KIF2C: variants seen among roughly 807,000 people sequenced by gnomAD.
The protein encoded by KIF2C is kinesin family member 2C.
In KIF2C, 34 loss-of-function variants were observed where a neutral mutation model predicts 97.4. The observed-to-expected ratio is 0.35, with a 90% confidence interval of 0.27 to 0.46. The LOEUF is 0.46. Among genes scored for constraint, KIF2C ranks in the 20% least tolerant of loss-of-function variants. KIF2C has a pLI of 1.00. For synonymous variants in KIF2C, 313 were observed against 318.2 expected (o/e 0.98, Z 0.17); for missense variants, 750 against 907.6 (o/e 0.83, Z 2.23).
Position 44,754,787 on chromosome 1 carries a change from G to T in KIF2C, c.701G>T (p.Arg234Leu). ...DSSFPNWEFA[R>L]MIKEFRATLE... ...AGTTTTCCAAACTGGGAATTTGCCC[G>T]AATGATTAAAGAATTTCGGGCTACT... The change falls in exon 8 of 21, where the codon CGA becomes CTA. Residue 234 changes from arginine to leucine, a missense_variant. Transcript: ENST00000372224. The T allele has an allele frequency of 1.2e-6, 2 of 1,613,506 alleles. No individual in the cohort carries two copies. The highest frequency in any genetic ancestry group is 2.2e-5 in the East Asian group (1 of 44,878).
Position 44,757,908 on chromosome 1 carries a change from A to G in KIF2C, c.1069A>G (p.Thr357Ala), listed in dbSNP as rs768885932. The change falls in exon 12 of 21, where the codon ACT becomes GCT. Residue 357 changes from threonine (T) to alanine (A), a missense_variant and splice_region_variant. By Grantham distance (58) the Thr-to-Ala change is moderately conservative. Coordinates refer to ENST00000372224, the MANE Select transcript of KIF2C (RefSeq NM_006845.4). The part of the protein sequence containing the change: ...YGQTGSGKTH[T>A]MGGDLSGKAQ... ...GGTCTTCTACCCCTTCCCTTTGCAGACTATGGGCGGAGACCTCTCTGGGAA... is the reference window on the plus strand; with the variant it reads ...GGTCTTCTACCCCTTCCCTTTGCAGGCTATGGGCGGAGACCTCTCTGGGAA... 6 of 1,614,008 alleles carry G rather than the reference A, an allele frequency of 3.7e-6. No homozygotes were observed. Among genetic ancestry groups the G allele is most frequent in the Non-Finnish European group, 4.2e-6 (5 of 1,180,024 alleles).
intron 2 of KIF2C, among the ~76,000 whole-genome samples, chr1:44,741,347 A>T (rs1251070250): frequency 6.8e-6 from 1 of 146,912 alleles, no homozygotes; most frequent in East Asian, 2.0e-4. Flanking sequence ...GTGCCGCTGC[A>T]CTCCAGCCTG....
At position 44,753,821 on chromosome 1, in the gene KIF2C, G is replaced by A; in HGVS notation, c.651G>A (p.Met217Ile). 6.2e-7 allele frequency: 1 copy of A among 1,606,796 alleles called. No individual in the cohort carries two copies. The highest frequency in any genetic ancestry group is 1.1e-5 in the South Asian group (1 of 89,674). The change falls in exon 7 of 21, where the codon ATG becomes ATA. Residue 217 changes from methionine to isoleucine, a missense_variant. Met to Ile is a conservative substitution (Grantham distance 10, BLOSUM62 1). Transcript: ENST00000372224. ...AGGCCCAGAACTCTGAAATGAGAAT[G>A]AAGAGAGCTCAGGTACCTTTCTTGG... Reference protein sequence around the residue: ...EKKAQNSEMRMKRAQEYDSSF... With the variant: ...EKKAQNSEMRIKRAQEYDSSF...
chr1:44,761,609 A>G (rs1455986806), intron 16 of KIF2C, among the ~76,000 whole-genome samples: 3 of 148,406 alleles, frequency 2.0e-5, no homozygotes, highest in Non-Finnish European at 4.5e-5. Flanking sequence ...CTCCGTCTCA[A>G]AAAAAAAAAA....
rs928438986 is a variant in KIF2C at position 44,739,903 on chromosome 1, G to A, written c.-30G>A. 3 of 1,597,484 alleles carry A rather than the reference G, an allele frequency of 1.9e-6. No individual in the cohort carries two copies. On this transcript the variant is annotated 5_prime_UTR_variant, in exon 1 of 21. Coordinates refer to ENST00000372224, the MANE Select transcript of KIF2C (RefSeq NM_006845.4). ...AGCGAAATTGAGGTTTCTTGGTATT[G>A]CGCGTTTCTCTTCCTTGCTGACTCT...
Position 44,762,346 on chromosome 1 carries a change from G to C in KIF2C, c.1752G>C (p.Arg584Ser). The change falls in exon 18 of 21, where the codon AGG becomes AGC. Residue 584 changes from arginine (R) to serine (S), a missense_variant and splice_region_variant. Transcript: ENST00000372224. ...YTLNTLRYAD[R>S]VKELSPHSGP... ...ATCTGAGACCTCCTTGTTTCCTCAG[G>C]GTCAAGGAGCTGAGCCCCCACAGTG... is the stretch of plus-strand genomic sequence containing the variant. 6.2e-7 allele frequency: 1 copy of C among 1,612,186 alleles called. No homozygotes were observed. The highest frequency in any genetic ancestry group is 8.5e-7 in the Non-Finnish European group (1 of 1,178,280).
chr1:44,741,123 C>T (rs2148819337), intron 2 of KIF2C, 116 bp downstream of exon 2: 1 of 745,148 alleles, frequency 1.3e-6, no homozygotes. Flanking sequence ...TCACTCACGC[C>T]TGTAATCCCA....
At position 44,747,694 on chromosome 1, in the gene KIF2C, A is replaced by G. The variant is rs763299618; in HGVS notation, c.310A>G (p.Lys104Glu). Residue 104 changes from lysine (K) to glutamate (E), a missense_variant, in exon 4 of 21, where the codon AAA becomes GAA. By Grantham distance (56) the Lys-to-Glu change is moderately conservative. Coordinates refer to ENST00000372224, the MANE Select transcript of KIF2C (RefSeq NM_006845.4). The stretch of plus-strand genomic sequence containing the variant: ...CGTCAACTCCAAAATTCCTGCTCCA[A>G]AAGAAAGTAAGTGGATTTCTACTAG... ...RSVNSKIPAP[K>E]ESLRSRSTRM... The G allele has an allele frequency of 3.7e-6, 6 of 1,613,452 alleles. No homozygotes were observed. The highest frequency in any genetic ancestry group is 5.1e-6 in the Non-Finnish European group (6 of 1,179,654).
At chr1:44,762,137 T>G in intron 17 of KIF2C, 154 bp downstream of exon 17, 3 of 846,946 alleles carry the variant, frequency 3.5e-6, no homozygotes, top group Non-Finnish European at 4.0e-6. Context: ...TGATGCTAGG[T>G]CTGTCCCAAT....
In KIF2C at chr1:44,762,614, G is replaced by A; in HGVS notation, c.1927G>A (p.Glu643Lys). Residue 643 changes from glutamate to lysine, a missense_variant, in exon 19 of 21, where the codon GAG becomes AAG. Transcript: ENST00000372224. Reference sequence around the variant, plus strand: ...TAACGAAGCCATGACTCAGATCAGGGAGCTGGAGGAGAAGGCTATGGAAGA... The same window carrying A: ...TAACGAAGCCATGACTCAGATCAGGAAGCTGGAGGAGAAGGCTATGGAAGA... ...SFNEAMTQIR[E>K]LEEKAMEELK... 3 of 1,614,150 alleles carry A rather than the reference G, an allele frequency of 1.9e-6. No individual in the cohort carries two copies. The highest frequency in any genetic ancestry group is 2.5e-6 in the Non-Finnish European group (3 of 1,180,018).
intron 10 of KIF2C, 106 bp from the exon 11 acceptor site, chr1:44,757,450 C>A: frequency 1.3e-6 from 1 of 756,698 alleles, no homozygotes; most frequent in Non-Finnish European, 2.3e-6. Flanking sequence ...GAGTGCTATT[C>A]TTAGAAGGAG....
At chr1:44,762,781 C>A (rs1404887858) in intron 19 of KIF2C, 123 bp downstream of exon 19, 5 of 644,380 alleles carry the variant, frequency 7.8e-6, no homozygotes, top group Non-Finnish European at 1.4e-5. Flanking sequence ...AAGCAGCCCT[C>A]TACACCAGCA....
At position 44,741,684 on chromosome 1, in the gene KIF2C, C is replaced by T. The variant is rs1014468402; in HGVS notation, c.165+677C>T. ...TGGGCGACAGAGTGAGACCTTTCCT[C>T]AAAAAATAAAAATGGTCTTCTTGGC... is the stretch of plus-strand genomic sequence containing the variant. On this transcript the variant is annotated intron_variant, in intron 2 of 20. Transcript: ENST00000372224. Among the ~76,000 whole-genome samples the T allele has an allele frequency of 2.0e-5, 3 of 151,788 alleles. 1 individual carries two copies. The South Asian group carries it at 6.3e-4, about 32-fold the overall frequency.
chr1:44,767,202 T>C lies in KIF2C; in HGVS notation c.*23T>C, dbSNP rs1299198673. 12 of 1,607,304 alleles carry C rather than the reference T, an allele frequency of 7.5e-6. No homozygotes were observed. The South Asian group carries it at 1.2e-4, about 16-fold the overall frequency. ...TGACGACTGCAAATAAAAATCTGTT[T>C]GGTTTGACACCCAGCCTCTTCCCTG... On this transcript the variant is annotated 3_prime_UTR_variant, in exon 21 of 21. Coordinates refer to ENST00000372224, the MANE Select transcript of KIF2C (RefSeq NM_006845.4).
At chr1:44,766,712 G>A in intron 19 of KIF2C, 114 bp from the exon 20 acceptor site, 2 of 1,167,266 alleles carry the variant, frequency 1.7e-6, no homozygotes, top group Middle Eastern at 2.0e-4. Context: ...CAGGGTATGG[G>A]TCAGGGACCA....
intron 10 of KIF2C, among the ~76,000 whole-genome samples, chr1:44,756,698 G>A (rs566312377): frequency 2.0e-3 from 302 of 148,672 alleles, no homozygotes; most frequent in Non-Finnish European, 2.8e-3. Flanking sequence ...GATTACAGGC[G>A]CCTGCCATCA....
chr1:44,755,794 A>C (rs1178663198), intron 8 of KIF2C, 135 bp from the exon 9 acceptor site: 9 of 714,350 alleles, frequency 1.3e-5, no homozygotes, highest in East Asian at 1.0e-4. Flanking sequence ...TGGAGGATGC[A>C]GGGGTCCTAG....
intron 17 of KIF2C, 153 bp downstream of exon 17, chr1:44,762,136 G>A: frequency 3.5e-6 from 3 of 858,246 alleles, no homozygotes; most frequent in East Asian, 2.5e-5. Flanking sequence ...GTGATGCTAG[G>A]TCTGTCCCAA....
In KIF2C at chr1:44,739,895, T is replaced by C. The variant is rs138942610; in HGVS notation, c.-38T>C. The C allele has an allele frequency of 1.6e-4, 245 of 1,579,744 alleles. No individual in the cohort carries two copies. Among genetic ancestry groups the C allele is most frequent in the Middle Eastern group, 1.3e-3 (8 of 5,976 alleles). On this transcript the variant is annotated 5_prime_UTR_variant, in exon 1 of 21. Transcript: ENST00000372224. Reference sequence around the variant, plus strand: ...GTAGGGTTAGCGAAATTGAGGTTTCTTGGTATTGCGCGTTTCTCTTCCTTG... The same window carrying C: ...GTAGGGTTAGCGAAATTGAGGTTTCCTGGTATTGCGCGTTTCTCTTCCTTG...
Sources: allele counts gnomAD v4.1 joint callset (sites outside exome capture counted in the v4.1 genomes callset), GRCh38; gene constraint gnomAD v4.1.1; transcripts MANE v1.5; gene names NCBI Gene and HGNC (gene_info 2026-07-23, HGNC 2026-07-21).